The following RORA variants were observed in gnomAD, a reference collection of about 807,000 sequenced individuals.
RORA encodes the protein RAR related orphan receptor A.
In RORA, 7 loss-of-function variants were observed where a neutral mutation model predicts 69.5. The ratio of observed to expected loss-of-function variants is 0.10; its 90% CI spans 0.06 to 0.19. RORA has a LOEUF of 0.19. Ranked by LOEUF, RORA falls within the 10% of genes least tolerant of loss-of-function variation. RORA has a pLI of 1.00. For synonymous variants in RORA, 261 were observed against 240.8 expected (o/e 1.08, Z -0.78); for missense variants, 457 against 663.0 (o/e 0.69, Z 3.41).
intron 2 of RORA, among the ~76,000 whole-genome samples, chr15:60,613,475 C>T (rs890789636): frequency 6.6e-6 from 1 of 152,112 alleles, no homozygotes; most frequent in East Asian, 1.9e-4. Context: ...CAGGGAACTT[C>T]ATCCTTGGGA....
At chr15:60,512,483 C>T (rs931865789) in intron 4 of RORA, among the ~76,000 whole-genome samples, 10 of 152,072 alleles carry the variant, frequency 6.6e-5, no homozygotes, top group Admixed American at 5.2e-4. Flanking sequence ...GATGGAGTTT[C>T]GCTATGTTGC....
chr15:60,831,672 A>C (rs1286456282), intron 1 of RORA, among the ~76,000 whole-genome samples: 1 of 152,106 alleles, frequency 6.6e-6, no homozygotes, highest in African/African-American at 2.4e-5. Context: ...TCTCCAGATG[A>C]ATCTTTCTCA....
chr15:60,606,494 T>C (rs145034084), intron 2 of RORA, among the ~76,000 whole-genome samples: 2 of 152,348 alleles, frequency 1.3e-5, no homozygotes, highest in African/African-American at 4.8e-5. Flanking sequence ...AGAAGCATTT[T>C]CTAGAACATG....
intron 1 of RORA, among the ~76,000 whole-genome samples, chr15:61,187,817 C>G (rs180914160): frequency 7.9e-5 from 12 of 152,306 alleles, no homozygotes; most frequent in African/African-American, 2.6e-4. Context: ...CCTGGGGGCT[C>G]TGAAGAACGT....
chr15:60,546,616 A>G (rs2067077400), intron 2 of RORA: 1 of 152,242 alleles, frequency 6.6e-6, no homozygotes. Flanking sequence ...ATGGAATAAA[A>G]TGATAGTTCC....
intron 1 of RORA, among the ~76,000 whole-genome samples, chr15:60,723,194 T>C (rs186932284): frequency 2.1e-4 from 32 of 152,316 alleles, no homozygotes; most frequent in Admixed American, 5.9e-4. Context: ...CTAGATTTTA[T>C]AAAAAGGCTA....
intron 1 of RORA, among the ~76,000 whole-genome samples, chr15:61,077,497 A>G (rs1791224796): frequency 6.6e-6 from 1 of 152,152 alleles, no homozygotes; most frequent in Non-Finnish European, 1.5e-5. Context: ...TGAAAGGCAG[A>G]AACTGTTTTG....
intron 1 of RORA, among the ~76,000 whole-genome samples, chr15:60,842,215 T>A (rs2073208328): frequency 6.6e-6 from 1 of 151,692 alleles, no homozygotes; most frequent in Non-Finnish European, 1.5e-5. Context: ...TTGCCAACAT[T>A]CCTCCTTTCT....
chr15:60,540,560 C>A (rs910226566), intron 2 of RORA, among the ~76,000 whole-genome samples: 1 of 72,572 alleles, frequency 1.4e-5, no homozygotes, highest in African/African-American at 6.2e-5. Context: ...GCACAATTTC[C>A]ATGACCCCCC....
At chr15:60,544,521 T>G (rs1466770864) in intron 2 of RORA, among the ~76,000 whole-genome samples, 1 of 152,200 alleles carries the variant, frequency 6.6e-6, no homozygotes, top group African/African-American at 2.4e-5. Context: ...ATAACATTAC[T>G]ACTATGAAAC....
chr15:61,116,438 T>A (rs1270021920), intron 1 of RORA, among the ~76,000 whole-genome samples: 1 of 152,100 alleles, frequency 6.6e-6, no homozygotes, highest in Non-Finnish European at 1.5e-5. Context: ...CCCCCACATT[T>A]CCTCTTCCCC....
chr15:60,749,462 CT>C (rs1218456594), intron 1 of RORA, among the ~76,000 whole-genome samples: 1 of 152,154 alleles, frequency 6.6e-6, no homozygotes, highest in Non-Finnish European at 1.5e-5. Context: ...AAATATTGAA[CT>C]GTTTTAGCTA....
intron 1 of RORA, among the ~76,000 whole-genome samples, chr15:60,749,425 T>C (rs1235747311): frequency 6.6e-6 from 1 of 152,204 alleles, no homozygotes; most frequent in Admixed American, 6.5e-5. Context: ...ACTAATATTC[T>C]ATGGTGGTGA....
intron 2 of RORA, among the ~76,000 whole-genome samples, chr15:60,567,837 C>T (rs1016473561): frequency 6.6e-6 from 1 of 152,056 alleles, no homozygotes; most frequent in Non-Finnish European, 1.5e-5. Flanking sequence ...TAAAGTTTTC[C>T]ATTTATTCCT....
At chr15:60,649,386 T>C (rs1400493798) in intron 2 of RORA, among the ~76,000 whole-genome samples, 1 of 152,156 alleles carries the variant, frequency 6.6e-6, no homozygotes, top group East Asian at 1.9e-4. Context: ...TGAGGGGCTC[T>C]GCAACAAACA....
intron 2 of RORA, among the ~76,000 whole-genome samples, chr15:60,555,745 A>G (rs937549318): frequency 2.0e-5 from 3 of 151,472 alleles, no homozygotes; most frequent in Non-Finnish European, 4.4e-5. Flanking sequence ...AACTGCTTGA[A>G]TTTTTTTTTC....
chr15:60,738,152 G>A (rs1207436856), intron 1 of RORA, among the ~76,000 whole-genome samples: 3 of 152,296 alleles, frequency 2.0e-5, no homozygotes, highest in South Asian at 2.1e-4. Flanking sequence ...AGCCGAGACC[G>A]TAGCAGCTTC....
intron 1 of RORA, among the ~76,000 whole-genome samples, chr15:60,933,454 C>A (rs532788919): frequency 6.6e-6 from 1 of 152,162 alleles, no homozygotes; most frequent in Non-Finnish European, 1.5e-5. Flanking sequence ...AGATCAAATG[C>A]GACCTCCTCC....
chr15:60,801,534 C>A (rs2072581050), intron 1 of RORA, among the ~76,000 whole-genome samples: 1 of 152,118 alleles, frequency 6.6e-6, no homozygotes, highest in Non-Finnish European at 1.5e-5. Flanking sequence ...CTCTGTATCC[C>A]CATGCCAAGA....
Sources: gnomAD v4.1 joint callset for allele counts (sites outside exome capture counted in the v4.1 genomes callset) on GRCh38, gnomAD v4.1.1 for gene constraint, MANE v1.5 for transcripts, NCBI Gene and HGNC (gene_info 2026-07-23, HGNC 2026-07-21) for gene names.